The following BOK variants were observed in gnomAD, a reference collection of about 807,000 sequenced individuals.
The protein encoded by BOK is BCL2 family apoptosis regulator BOK.
A neutral mutation model predicts 18.3 loss-of-function variants in BOK; 20 were observed. The ratio of observed to expected loss-of-function variants is 1.09; its 90% confidence interval spans 0.77 to 1.59. BOK has a LOEUF of 1.59. Ranked by LOEUF, BOK falls within the 40% of genes most tolerant of loss-of-function variation. BOK has a pLI of 0.00. For synonymous variants in BOK, 173 were observed against 142.4 expected (o/e 1.21, Z -1.53); for missense variants, 348 against 307.9 (o/e 1.13, Z -0.97).
At chr2:241,552,627 C>G (rs1184222796) in intron 1 of BOK, among the ~76,000 whole-genome samples, 1 of 152,200 alleles carries the variant, frequency 6.6e-6, no homozygotes, top group Non-Finnish European at 1.5e-5. Flanking sequence ...TCCTTCGTGT[C>G]TTTTTCCCTG....
At chr2:241,551,756 G>C (rs1240172497) in intron 1 of BOK, among the ~76,000 whole-genome samples, 1 of 152,208 alleles carries the variant, frequency 6.6e-6, no homozygotes, top group East Asian at 1.9e-4. Flanking sequence ...AGGAAGGCTT[G>C]CGCTGGCCAA....
intron 2 of BOK, among the ~76,000 whole-genome samples, chr2:241,561,997 C>A (rs1329830207): frequency 1.3e-5 from 2 of 152,244 alleles, no homozygotes; most frequent in South Asian, 2.1e-4. Flanking sequence ...CTGCTCTGGG[C>A]AGCTCGGCTG....
In BOK at chr2:241,562,178, C is replaced by T. The variant is rs1472454854; in HGVS notation, c.221-170C>T. 6.6e-6 allele frequency among the ~76,000 whole-genome samples: 1 copy of T among 152,182 alleles called. No individual in the cohort carries two copies. The highest frequency in any genetic ancestry group is 1.5e-5 in the Non-Finnish European group (1 of 68,028). ...CTAGGGGCCAAGGTTGGGGGATGGC[C>T]CAAGGGAGGTCAGATGGGGTCAAGT... On this transcript the variant is annotated intron_variant, in intron 2 of 4. Transcript: ENST00000318407. The surrounding 1 kb of genome is among the most constrained non-coding windows in gnomAD (Gnocchi z 4.5).
chr2:241,568,246 G>A (rs1575002107), intron 3 of BOK, among the ~76,000 whole-genome samples: 1 of 151,980 alleles, frequency 6.6e-6, no homozygotes, highest in African/African-American at 2.4e-5. Flanking sequence ...TCAGCCTCCC[G>A]AGTAGCTGGG....
At chr2:241,558,494 T>C (rs986329938), upstream of BOK, among the ~76,000 whole-genome samples, 1 of 152,242 alleles carries the variant, frequency 6.6e-6, no homozygotes, top group African/African-American at 2.4e-5. Flanking sequence ...CTCCAGACTC[T>C]GGAAAGAACC....
chr2:241,564,488 C>G (rs924786759), intron 3 of BOK, among the ~76,000 whole-genome samples: 1 of 146,680 alleles, frequency 6.8e-6, no homozygotes, highest in Admixed American at 6.8e-5. Context: ...CAGGCTGAGG[C>G]GTGTCATGGG....
At chr2:241,551,653 C>T (rs1013636745) in intron 1 of BOK, among the ~76,000 whole-genome samples, 1 of 151,426 alleles carries the variant, frequency 6.6e-6, no homozygotes, top group African/African-American at 2.4e-5. Context: ...TGGCTGAGTC[C>T]ACTCAGGGCT....
Position 241,559,662 on chromosome 2 carries a change from C to A in BOK, c.179C>A (p.Pro60Gln). The change falls in exon 2 of 5, where the codon CCG (proline) becomes CAG (glutamine). Residue 60 changes from proline to glutamine, a missense_variant. By Grantham distance (76) the Pro-to-Gln change is moderately conservative. Coordinates refer to ENST00000318407, the MANE Select transcript of BOK (RefSeq NM_032515.5). Reference protein sequence around the residue: ...WSAPERAAPVPGRLAEVCAVL... With the variant: ...WSAPERAAPVQGRLAEVCAVL... ...GCGCCCGAGCGTGCCGCGCCGGTCCCGGGACGCCTGGCTGAGGTGTGCGCG... is the reference window on the plus strand; with the variant it reads ...GCGCCCGAGCGTGCCGCGCCGGTCCAGGGACGCCTGGCTGAGGTGTGCGCG... 1 of 1,382,424 alleles carries A rather than the reference C, an allele frequency of 7.2e-7. No individual in the cohort carries two copies. Among genetic ancestry groups the A allele is most frequent in the Non-Finnish European group, 9.3e-7 (1 of 1,077,058 alleles). 85.6% of individuals were successfully genotyped at this position (1,382,424 alleles called of 1,614,324 possible). A position where few individuals can be genotyped will look rare whatever the true frequency, so the allele number is the denominator to read the frequency against.
At chr2:241,551,422 A>G (rs769162102), upstream of BOK, 1 of 152,272 alleles carries the variant, frequency 6.6e-6, no homozygotes, top group Non-Finnish European at 1.5e-5. Flanking sequence ...TTCTAGAAGC[A>G]GCGTGAGGCT....
intron 1 of BOK, among the ~76,000 whole-genome samples, chr2:241,553,586 G>A (rs990892862): frequency 1.3e-5 from 2 of 152,180 alleles, no homozygotes; most frequent in Non-Finnish European, 1.5e-5. Context: ...CGTGTCTTAC[G>A]AGGCGGAAGG....
chr2:241,564,264 AG>A (rs753825963), intron 3 of BOK, among the ~76,000 whole-genome samples: 13 of 152,036 alleles, frequency 8.6e-5, no homozygotes, highest in Non-Finnish European at 1.8e-4. Flanking sequence ...ACACCTGGGG[AG>A]GGGCAGTGAC....
rs1479222132 is a variant in BOK at position 241,562,776 on chromosome 2, G to C, written c.349+300G>C. On this transcript the variant is annotated intron_variant, in intron 3 of 4. Transcript: ENST00000318407. The surrounding 1 kb of genome is among the most constrained non-coding windows in gnomAD (Gnocchi z 4.5). ...GTGGGGCCGCGTGACCTGCAGTCCTGTGGGGTGGCACGTCCTAGGGCTGCC... is the reference window on the plus strand; with the variant it reads ...GTGGGGCCGCGTGACCTGCAGTCCTCTGGGGTGGCACGTCCTAGGGCTGCC... Among the ~76,000 whole-genome samples the C allele has an allele frequency of 6.6e-6, 1 of 152,220 alleles. No individual in the cohort carries two copies. Among genetic ancestry groups the C allele is most frequent in the Non-Finnish European group, 1.5e-5 (1 of 68,044 alleles).
At chr2:241,558,253 T>A (rs1212031479), upstream of BOK, among the ~76,000 whole-genome samples, 1 of 152,114 alleles carries the variant, frequency 6.6e-6, no homozygotes. Context: ...TAGATCTAAA[T>A]ATGAGCCCTA....
chr2:241,571,789 G>C, intron 4 of BOK, among the ~76,000 whole-genome samples: 1 of 152,258 alleles, frequency 6.6e-6, no homozygotes, highest in East Asian at 1.9e-4. Flanking sequence ...GAACTTCAGA[G>C]TCCAGGGAGT....
rs1179949617 is a variant in BOK, at chr2:241,565,538, C to T, written c.349+3062C>T. ...CATCCTTGCCTCCCTGCCTGAGGCC[C>T]CTCCCACGCCAGCCATCCCTGCACG... is the stretch of plus-strand genomic sequence containing the variant. On this transcript the variant is annotated intron_variant, in intron 3 of 4. Transcript: ENST00000318407. 2.7e-5 allele frequency among the ~76,000 whole-genome samples: 4 copies of T among 150,772 alleles called. No individual in the cohort carries two copies. In the East Asian group the frequency reaches 5.9e-4, roughly 22 times the overall value.
Position 241,559,439 on chromosome 2 carries a change from G to A in BOK, c.-29-16G>A, listed in dbSNP as rs1003016329. 2.4e-5 allele frequency: 33 copies of A among 1,369,632 alleles called. No homozygotes were observed. Among genetic ancestry groups the A allele is most frequent in the Non-Finnish European group, 2.8e-5 (30 of 1,063,054 alleles). The allele number at this position is 1,369,632 out of a possible 1,614,324, so 84.8% of individuals were successfully genotyped here. ...GCGCCGCCTCCCTCCACCCGGCTGAGCGCTTGTGCCCGCAGGTGCGGCGCC... is the reference window on the plus strand; with the variant it reads ...GCGCCGCCTCCCTCCACCCGGCTGAACGCTTGTGCCCGCAGGTGCGGCGCC... On this transcript the variant is annotated splice_polypyrimidine_tract_variant and intron_variant, in intron 1 of 4. Transcript: ENST00000318407.
chr2:241,557,479 T>A, upstream of BOK, among the ~76,000 whole-genome samples: 1 of 152,024 alleles, frequency 6.6e-6, no homozygotes, highest in Non-Finnish European at 1.5e-5. Context: ...CCAACTCATT[T>A]TTTGTATCTC....
rs1483752920 is a variant in BOK at position 241,568,371 on chromosome 2, C to T, written c.350-1754C>T. ...TCCTGACCTCGTGATCCACCTGCCT[C>T]GGCCTCCCAAAATGCTGGGATTACA... On this transcript the variant is annotated intron_variant, in intron 3 of 4. Coordinates refer to ENST00000318407, the MANE Select transcript of BOK (RefSeq NM_032515.5). 7.2e-5 allele frequency among the ~76,000 whole-genome samples: 11 copies of T among 152,244 alleles called. No individual in the cohort carries two copies. In the East Asian group the frequency reaches 9.7e-4, roughly 13 times the overall value.
At chr2:241,563,814 C>T (rs2066568527) in intron 3 of BOK, among the ~76,000 whole-genome samples, 1 of 152,026 alleles carries the variant, frequency 6.6e-6, no homozygotes, top group South Asian at 2.1e-4. Context: ...ACGGGGTGAC[C>T]CTCAGAGCCA....
Sources: allele counts gnomAD v4.1 joint callset (sites outside exome capture counted in the v4.1 genomes callset), GRCh38; gene constraint gnomAD v4.1.1; non-coding constraint Gnocchi (gnomAD v3.1); transcripts MANE v1.5; gene names NCBI Gene and HGNC (gene_info 2026-07-23, HGNC 2026-07-21).